MEI4: variants seen among roughly 807,000 people sequenced by gnomAD.
The protein encoded by MEI4 is meiosis-specific protein MEI4.
In MEI4, 27 loss-of-function variants were observed where a neutral mutation model predicts 31.4. The observed-to-expected ratio is 0.86, with a 90% CI of 0.63 to 1.19. The LOEUF is 1.19. Among genes scored for constraint, MEI4 ranks in the 50% most tolerant of loss-of-function variants. MEI4 has a pLI of 0.00. For missense variants in MEI4, 329 were observed against 398.9 expected (o/e 0.82, Z 1.49); for synonymous variants, 122 against 145.4 (o/e 0.84, Z 1.16).
intron 4 of MEI4, among the ~76,000 whole-genome samples, chr6:77,881,721 T>A (rs1344506595): frequency 6.6e-6 from 1 of 152,188 alleles, no homozygotes; most frequent in African/African-American, 2.4e-5. Flanking sequence ...AACTGACTGA[T>A]TTTGAGCTGG....
At chr6:77,704,934 T>C (rs1050771387) in intron 2 of MEI4, among the ~76,000 whole-genome samples, 1 of 152,102 alleles carries the variant, frequency 6.6e-6, no homozygotes, top group African/African-American at 2.4e-5. Context: ...TAAGTGTTTA[T>C]TAAGAGCCTG....
At position 77,892,812 on chromosome 6, in the gene MEI4, C is replaced by T. The variant is rs530163354; in HGVS notation, c.901-30277C>T. Among the ~76,000 whole-genome samples, 173 of 152,164 alleles carry T rather than the reference C, an allele frequency of 1.1e-3. 1 individual carries two copies. The highest frequency in any genetic ancestry group is 4.1e-3 in the African/African-American group (169 of 41,538). On this transcript the variant is annotated intron_variant, in intron 4 of 4. Transcript: ENST00000684080. ...GATAGAGAGGCTGTTGGGCCCCAAA[C>T]AGTATATAGTTTGGTGGGGGCTGGA... is the stretch of plus-strand genomic sequence containing the variant.
intron 3 of MEI4, among the ~76,000 whole-genome samples, chr6:77,804,861 C>G (rs1769385936): frequency 6.6e-6 from 1 of 152,110 alleles, no homozygotes. Flanking sequence ...GTCTGTCAAT[C>G]TTATTTAATA....
Position 77,857,324 on chromosome 6 carries a change from G to C in MEI4, c.900+28262G>C, listed in dbSNP as rs375378146. On this transcript the variant is annotated intron_variant, in intron 4 of 4. Coordinates refer to ENST00000684080, the MANE Select transcript of MEI4 (RefSeq NM_001322247.2). ...TATTAAGCAAATAGTTGAAGCAGTG[G>C]GAAGGTTTTACTGATGAATTCACTG... 1.4e-4 allele frequency among the ~76,000 whole-genome samples: 21 copies of C among 152,246 alleles called. No homozygotes were observed. The East Asian group carries it at 3.9e-3, about 28-fold the overall frequency.
intron 4 of MEI4, among the ~76,000 whole-genome samples, chr6:77,894,205 TTGTA>T (rs1766027641): frequency 6.6e-6 from 1 of 152,160 alleles, no homozygotes; most frequent in East Asian, 1.9e-4. Flanking sequence ...TATCATATAC[TTGTA>T]TGATTACTTT....
rs1766847573 is a variant in MEI4 at position 77,926,489 on chromosome 6, A to G, written c.*3143A>G. On this transcript the variant is annotated 3_prime_UTR_variant, in exon 5 of 5. Coordinates refer to ENST00000684080, the MANE Select transcript of MEI4 (RefSeq NM_001322247.2). ...ATCTGACTGGTTTGTTCTTGGAAAAATATATACGATTATCTCACAGGCCTT... is the reference window on the plus strand; with the variant it reads ...ATCTGACTGGTTTGTTCTTGGAAAAGTATATACGATTATCTCACAGGCCTT... The G allele has an allele frequency of 6.6e-6, 1 of 151,904 alleles. No individual in the cohort carries two copies. The highest frequency in any genetic ancestry group is 1.5e-5 in the Non-Finnish European group (1 of 67,938). The allele number at this position is 151,904 out of a possible 1,614,324, so 9.4% of individuals were successfully genotyped here.
chr6:77,884,546 G>A (rs1355231787), intron 4 of MEI4, among the ~76,000 whole-genome samples: 1 of 152,114 alleles, frequency 6.6e-6, no homozygotes, highest in Admixed American at 6.6e-5. Context: ...TGAGAGATAG[G>A]GGTTTGGTTC....
At chr6:77,711,117 T>G (rs2127659897) in intron 2 of MEI4, among the ~76,000 whole-genome samples, 1 of 126,392 alleles carries the variant, frequency 7.9e-6, no homozygotes, top group East Asian at 2.7e-4. Flanking sequence ...AGAGATGTTG[T>G]TCAAAGAGTC....
intron 2 of MEI4, among the ~76,000 whole-genome samples, chr6:77,743,550 A>T (rs976337205): frequency 1.3e-5 from 2 of 152,190 alleles, no homozygotes; most frequent in Non-Finnish European, 2.9e-5. Flanking sequence ...CTAGATATAC[A>T]GTCATGTCAT....
At chr6:77,666,808 C>G (rs900533912) in intron 1 of MEI4, among the ~76,000 whole-genome samples, 2 of 152,082 alleles carry the variant, frequency 1.3e-5, no homozygotes, top group Non-Finnish European at 2.9e-5. Context: ...AAAGAAAACA[C>G]AACTCCTTTA....
At chr6:77,706,371 C>T (rs1386547232) in intron 2 of MEI4, among the ~76,000 whole-genome samples, 3 of 152,074 alleles carry the variant, frequency 2.0e-5, no homozygotes, top group East Asian at 1.9e-4. Context: ...GCTGGGTTTC[C>T]CCTCTTTGAC....
intron 4 of MEI4, among the ~76,000 whole-genome samples, chr6:77,898,562 G>C (rs1386426776): frequency 6.6e-6 from 1 of 151,814 alleles, no homozygotes; most frequent in Non-Finnish European, 1.5e-5. Flanking sequence ...TTCACTTATT[G>C]CCTTTGTAGT....
chr6:77,837,495 G>A (rs1770247732), intron 4 of MEI4, among the ~76,000 whole-genome samples: 1 of 152,158 alleles, frequency 6.6e-6, no homozygotes, highest in Admixed American at 6.6e-5. Context: ...TATTTTAAAT[G>A]AGACCAAAGA....
intron 2 of MEI4, among the ~76,000 whole-genome samples, chr6:77,746,728 A>G (rs1319577232): frequency 1.3e-5 from 2 of 151,760 alleles, no homozygotes; most frequent in Non-Finnish European, 2.9e-5. Context: ...AAAGGTGTCA[A>G]AGTTAGAATC....
At chr6:77,779,304 A>G (rs1768535129) in intron 3 of MEI4, among the ~76,000 whole-genome samples, 1 of 152,216 alleles carries the variant, frequency 6.6e-6, no homozygotes, top group South Asian at 2.1e-4. Context: ...TGCTACTCAG[A>G]GGCTTAATAA....
intron 2 of MEI4, among the ~76,000 whole-genome samples, chr6:77,727,227 AAGG>A (rs1434487094): frequency 6.6e-6 from 1 of 152,166 alleles, no homozygotes; most frequent in Non-Finnish European, 1.5e-5. Flanking sequence ...CCTGGGGGAA[AAGG>A]AGGTAAATGC....
At position 77,696,106 on chromosome 6, in the gene MEI4, A is replaced by T. The variant is rs1582032070; in HGVS notation, c.232+5203A>T. Among the ~76,000 whole-genome samples, 3 of 152,144 alleles carry T rather than the reference A, an allele frequency of 2.0e-5. No homozygotes were observed. The South Asian group carries it at 6.2e-4, about 31-fold the overall frequency. ...ATAAGAATGCTTGTGAGTTTTGCAC[A>T]TTGATTTTGTATCCTGAGACTTTGC... On this transcript the variant is annotated intron_variant, in intron 2 of 4. Coordinates refer to ENST00000684080, the MANE Select transcript of MEI4 (RefSeq NM_001322247.2).
intron 2 of MEI4, among the ~76,000 whole-genome samples, chr6:77,752,549 A>G (rs1424031060): frequency 3.9e-5 from 6 of 152,206 alleles, no homozygotes; most frequent in Admixed American, 3.9e-4. Flanking sequence ...TACAACTTAC[A>G]AGGGATGTGA....
rs1003312355 is a variant in MEI4 at position 77,743,417 on chromosome 6, C to T, written c.233-17713C>T. Among the ~76,000 whole-genome samples the T allele has an allele frequency of 2.9e-4, 44 of 152,200 alleles. 2 individuals are homozygous for T. The highest frequency in any genetic ancestry group is 1.6e-4 in the Non-Finnish European group (11 of 68,018). On this transcript the variant is annotated intron_variant, in intron 2 of 4. Transcript: ENST00000684080. ...TGGAGTTCACTCATAATTTGGCTCT[C>T]TGTTTGTCTGTTATTGGTGTATAAG... is the stretch of plus-strand genomic sequence containing the variant.
Sources: gnomAD v4.1 joint callset for allele counts (sites outside exome capture counted in the v4.1 genomes callset) on GRCh38, gnomAD v4.1.1 for gene constraint, MANE v1.5 for transcripts, NCBI Gene and HGNC (gene_info 2026-07-23, HGNC 2026-07-21) for gene names.